Variants in PXDNL observed in about 807,000 individuals in gnomAD.
PXDNL encodes peroxidasin like, also known as probable oxidoreductase PXDNL.
PXDNL carries 145 observed loss-of-function variants against 150.8 expected under a neutral mutation model. The ratio of observed to expected loss-of-function variants is 0.96; its 90% CI spans 0.84 to 1.10. The LOEUF is 1.10. Among genes scored for constraint, PXDNL ranks in the 50% least tolerant of loss-of-function variants. PXDNL has a pLI of 0.00. For missense variants in PXDNL, 2,087 were observed against 1,873.9 expected, an observed-to-expected ratio of 1.11 and a Z score of -2.10; for synonymous variants, 757 against 725.7, an observed-to-expected ratio of 1.04 and a Z score of -0.69.
chr8:51,320,407 A>G (rs1250989015), intron 22 of PXDNL, among the ~76,000 whole-genome samples: 1 of 152,218 alleles, frequency 6.6e-6, no homozygotes. Flanking sequence ...ATTTTTCCAT[A>G]GAATTGTGTA....
rs183519998 is a variant in PXDNL at position 51,577,190 on chromosome 8, A to C, written c.308+15437T>G. ...CGATACCAAAACCTGAGAGATAGTAAGAAAAAAGGAAACAACATATCAATA... is the reference window on the plus strand; with the variant it reads ...CGATACCAAAACCTGAGAGATAGTACGAAAAAAGGAAACAACATATCAATA... On this transcript the variant is annotated intron_variant, in intron 3 of 22. Coordinates refer to ENST00000356297, the MANE Select transcript of PXDNL (RefSeq NM_144651.5). Among the ~76,000 whole-genome samples, 6 of 152,004 alleles carry C rather than the reference A, an allele frequency of 3.9e-5. No individual in the cohort carries two copies. In the East Asian group the frequency reaches 1.2e-3, roughly 29 times the overall value.
intron 1 of PXDNL, among the ~76,000 whole-genome samples, chr8:51,677,954 T>C (rs1326072007): frequency 6.6e-6 from 1 of 152,092 alleles, no homozygotes; most frequent in Non-Finnish European, 1.5e-5. Context: ...CTATGATGAG[T>C]TCCTGGAGTA....
intron 22 of PXDNL, 45 bp downstream of exon 22, chr8:51,320,739 T>TAGA (rs1805290411): frequency 7.2e-7 from 1 of 1,381,860 alleles, no homozygotes; most frequent in Non-Finnish European, 1.0e-6. Context: ...ACTGGCTGGC[T>TAGA]AGAAGTGAAA....
chr8:51,592,631 A>AT lies in PXDNL; in HGVS notation c.303dup (p.Tyr102IlefsTer6). On this transcript the variant is annotated frameshift_variant, in exon 3 of 23. Coordinates refer to ENST00000356297, the MANE Select transcript of PXDNL (RefSeq NM_144651.5). LOFTEE classifies it high-confidence loss of function. ...TTGTTTTTTCTTATAACTTACAGATATAGCAAATTTTCAAGTCCTTCAAAA... is the reference window on the plus strand; with the variant it reads ...TTGTTTTTTCTTATAACTTACAGATATTAGCAAATTTTCAAGTCCTTCAAAA... The AT allele has an allele frequency of 1.3e-6, 2 of 1,544,224 alleles. No homozygotes were observed. The highest frequency in any genetic ancestry group is 1.8e-6 in the Non-Finnish European group (2 of 1,142,432).
chr8:51,689,991 C>T (rs1167154137), intron 1 of PXDNL, among the ~76,000 whole-genome samples: 1 of 152,156 alleles, frequency 6.6e-6, no homozygotes, highest in Non-Finnish European at 1.5e-5. Context: ...CTATATCAGA[C>T]TCTGTGAAGT....
In PXDNL at chr8:51,809,386, G is replaced by C. The variant is rs993928508; in HGVS notation, c.-42C>G. ...GGCCACGCGAAGAAGCAGCCGGAGGGAGAGCAGCAGCTGCAGCTGCAGCAG... is the reference window on the plus strand; with the variant it reads ...GGCCACGCGAAGAAGCAGCCGGAGGCAGAGCAGCAGCTGCAGCTGCAGCAG... On this transcript the variant is annotated 5_prime_UTR_variant, in exon 1 of 23. Coordinates refer to ENST00000356297, the MANE Select transcript of PXDNL (RefSeq NM_144651.5). 2.8e-5 allele frequency: 42 copies of C among 1,491,624 alleles called. No homozygotes were observed. The highest frequency in any genetic ancestry group is 2.3e-4 in the Middle Eastern group (1 of 4,292). 92.4% of individuals were successfully genotyped at this position (1,491,624 alleles called of 1,614,324 possible). A position where few individuals can be genotyped will look rare whatever the true frequency, so the allele number is the denominator to read the frequency against.
At chr8:51,435,463 C>A in intron 12 of PXDNL, 1 of 153,162 alleles carries the variant, frequency 6.5e-6, no homozygotes, top group Non-Finnish European at 1.5e-5. Context: ...ATCGTTGCAG[C>A]CTGGTAGAAT....
intron 6 of PXDNL, among the ~76,000 whole-genome samples, chr8:51,479,309 A>T (rs1281944548): frequency 6.6e-6 from 1 of 152,240 alleles, no homozygotes; most frequent in Non-Finnish European, 1.5e-5. Context: ...TTATAATTGC[A>T]AATATACAAA....
chr8:51,378,647 T>G (rs1287595635), intron 17 of PXDNL, among the ~76,000 whole-genome samples: 1 of 152,226 alleles, frequency 6.6e-6, no homozygotes, highest in Non-Finnish European at 1.5e-5. Flanking sequence ...GTGCACTGGC[T>G]TTATGAGCTG....
chr8:51,461,718 A>C (rs1810087766), intron 8 of PXDNL, among the ~76,000 whole-genome samples: 2 of 152,244 alleles, frequency 1.3e-5, no homozygotes, highest in Non-Finnish European at 2.9e-5. Flanking sequence ...GTGAGGGTAG[A>C]ACAGCCTGTC....
chr8:51,438,231 C>T (rs1396744321), intron 12 of PXDNL, among the ~76,000 whole-genome samples: 2 of 152,058 alleles, frequency 1.3e-5, no homozygotes. Context: ...GTGAAAATGA[C>T]CATACTGACA....
chr8:51,724,293 T>C (rs1816785051), intron 1 of PXDNL, among the ~76,000 whole-genome samples: 1 of 152,046 alleles, frequency 6.6e-6, no homozygotes, highest in Admixed American at 6.5e-5. Context: ...GACAGGCCTA[T>C]AAGGAACAGC....
chr8:51,722,664 C>G (rs1024934951), intron 1 of PXDNL, among the ~76,000 whole-genome samples: 4 of 152,082 alleles, frequency 2.6e-5, no homozygotes, highest in Non-Finnish European at 4.4e-5. Context: ...AATCTTGTCT[C>G]CAACTGTCCC....
intron 19 of PXDNL, among the ~76,000 whole-genome samples, chr8:51,352,050 G>A (rs1806369722): frequency 6.6e-6 from 1 of 151,970 alleles, no homozygotes; most frequent in Admixed American, 6.6e-5. Flanking sequence ...GGGATGACAT[G>A]AGGGCGTGAC....
chr8:51,409,266 C>T lies in PXDNL; in HGVS notation c.2358G>A (p.Val786=). ...PLPPPRLVAT[V]WARAAAVTPD... ...GGGTGACGGCCGCCGCGCGCGCCCA[C>T]ACTGTGGCGACCAGCCGGGGCGGCG... is the stretch of plus-strand genomic sequence containing the variant. Residue 786 remains valine (V), a synonymous_variant, in exon 17 of 23, where the codon GTG becomes GTA. Transcript: ENST00000356297. The T allele has an allele frequency of 6.8e-7, 1 of 1,460,384 alleles. No individual in the cohort carries two copies. Among genetic ancestry groups the T allele is most frequent in the Non-Finnish European group, 9.0e-7 (1 of 1,111,172 alleles). The allele number at this position is 1,460,384 out of a possible 1,614,324, so 90.5% of individuals were successfully genotyped here. A position where few individuals can be genotyped will look rare whatever the true frequency, so the allele number is the denominator to read the frequency against.
At chr8:51,508,073 T>C (rs1337390170) in intron 4 of PXDNL, among the ~76,000 whole-genome samples, 2 of 151,866 alleles carry the variant, frequency 1.3e-5, no homozygotes, top group African/African-American at 2.4e-5. Context: ...AGAAGCAAAG[T>C]GAGGAAGACC....
intron 1 of PXDNL, among the ~76,000 whole-genome samples, chr8:51,776,315 T>C (rs991672047): frequency 3.3e-5 from 5 of 152,038 alleles, no homozygotes; most frequent in African/African-American, 1.2e-4. Context: ...ATTCGTATAC[T>C]CCCTCCCCTT....
intron 20 of PXDNL, among the ~76,000 whole-genome samples, chr8:51,342,027 A>T (rs955546285): frequency 3.3e-5 from 5 of 152,210 alleles, no homozygotes; most frequent in Non-Finnish European, 5.9e-5. Flanking sequence ...AAAATTATTC[A>T]TAATTAGCAC....
intron 21 of PXDNL, among the ~76,000 whole-genome samples, chr8:51,329,744 G>A (rs945151054): frequency 6.6e-6 from 1 of 152,176 alleles, no homozygotes; most frequent in Admixed American, 6.5e-5. Context: ...CAGAAATGAA[G>A]AATGCCTTCG....
Sources: allele counts gnomAD v4.1 joint callset (sites outside exome capture counted in the v4.1 genomes callset), GRCh38; gene constraint gnomAD v4.1.1; transcripts MANE v1.5; gene names NCBI Gene and HGNC (gene_info 2026-07-23, HGNC 2026-07-21).